The following MTSS1 variants were observed in gnomAD, a reference collection of about 807,000 sequenced individuals.
MTSS1 encodes the protein protein MTSS 1.
In MTSS1, 18 loss-of-function variants were observed where a neutral mutation model predicts 79.0. The observed-to-expected ratio is 0.23, with a 90% CI of 0.16 to 0.34. MTSS1 has a LOEUF of 0.34. Among genes scored for constraint, MTSS1 ranks in the 10% least tolerant of loss-of-function variants. MTSS1 has a pLI of 1.00. For missense variants in MTSS1, 815 were observed against 986.2 expected, an observed-to-expected ratio of 0.83 and a Z score of 2.33; for synonymous variants, 341 against 368.6, an observed-to-expected ratio of 0.93 and a Z score of 0.86.
chr8:124,629,510 A>AAG (rs1815446560), intron 3 of MTSS1, among the ~76,000 whole-genome samples: 1 of 115,146 alleles, frequency 8.7e-6, no homozygotes, highest in African/African-American at 4.7e-5. Context: ...CGTCTCAAAA[A>AAG]AAAAAAAAAA....
chr8:124,704,756 C>G (rs1830164436), intron 1 of MTSS1, among the ~76,000 whole-genome samples: 1 of 152,218 alleles, frequency 6.6e-6, no homozygotes, highest in Non-Finnish European at 1.5e-5. Context: ...ACAGGGAACT[C>G]ATCACCTTCC....
intron 6 of MTSS1, chr8:124,580,729 C>T: frequency 3.0e-6 from 2 of 662,086 alleles, no homozygotes; most frequent in Non-Finnish European, 5.2e-6. Flanking sequence ...ATTAAACCCA[C>T]ATCCACATTC....
intron 3 of MTSS1, among the ~76,000 whole-genome samples, chr8:124,607,432 G>T (rs1474309228): frequency 6.6e-6 from 1 of 152,116 alleles, no homozygotes; most frequent in Non-Finnish European, 1.5e-5. Flanking sequence ...TTCCCCAGAT[G>T]GTTTCTGAAT....
intron 2 of MTSS1, among the ~76,000 whole-genome samples, chr8:124,700,242 A>G (rs12334720): frequency 0.3 from 45,197 of 152,066 alleles, 7,029 homozygotes; most frequent in East Asian, 0.5. Flanking sequence ...ATTAAAAAAT[A>G]TAAGTGGTAG....
At chr8:124,599,419 G>A (rs1464628242) in intron 3 of MTSS1, among the ~76,000 whole-genome samples, 1 of 148,678 alleles carries the variant, frequency 6.7e-6, no homozygotes, top group Non-Finnish European at 1.5e-5. Context: ...GGAGGCAGAG[G>A]TTGCAGTGAG....
chr8:124,670,275 C>T (rs532765776), intron 3 of MTSS1, among the ~76,000 whole-genome samples: 2 of 152,244 alleles, frequency 1.3e-5, no homozygotes, highest in South Asian at 4.1e-4. Flanking sequence ...ACAGAGGGAA[C>T]AGCAAATATT....
intron 3 of MTSS1, among the ~76,000 whole-genome samples, chr8:124,656,800 G>GA (rs1821041725): frequency 1.5e-5 from 2 of 136,114 alleles, no homozygotes; most frequent in Admixed American, 1.5e-4. Flanking sequence ...AAAAAAAAAA[G>GA]AAAAAAGAAA....
In MTSS1 at chr8:124,552,952, A is replaced by G. The variant is rs1190064838; in HGVS notation, c.*40T>C. 2 of 1,579,080 alleles carry G rather than the reference A, an allele frequency of 1.3e-6. No homozygotes were observed. The highest frequency in any genetic ancestry group is 1.7e-6 in the Non-Finnish European group (2 of 1,155,670). ...GATCAAGACAAATTAGGTTTTATTA[A>G]TGAAACAGTTCATTCCCCACCGGCG... On this transcript the variant is annotated 3_prime_UTR_variant, in exon 14 of 14. Coordinates refer to ENST00000518547, the MANE Select transcript of MTSS1 (RefSeq NM_014751.6).
intron 1 of MTSS1, among the ~76,000 whole-genome samples, chr8:124,718,024 C>T (rs1381970487): frequency 2.6e-5 from 4 of 152,166 alleles, no homozygotes; most frequent in African/African-American, 4.8e-5. Context: ...AAGGCAAGGA[C>T]GCCAGGCCGC....
intron 3 of MTSS1, among the ~76,000 whole-genome samples, chr8:124,614,290 A>C (rs1836437137): frequency 6.6e-6 from 1 of 152,072 alleles, no homozygotes; most frequent in Non-Finnish European, 1.5e-5. Flanking sequence ...GCTCAATTGG[A>C]GGCCAGGAGC....
chr8:124,683,846 G>A lies in MTSS1; in HGVS notation c.208+15680C>T, dbSNP rs916344888. 2.0e-5 allele frequency among the ~76,000 whole-genome samples: 3 copies of A among 152,196 alleles called. No homozygotes were observed. The highest frequency in any genetic ancestry group is 7.2e-5 in the African/African-American group (3 of 41,446). The stretch of plus-strand genomic sequence containing the variant: ...AAGAGAAGTTACCAAGTGGATGGTG[G>A]TGAGGCCATAACAAGCCGGTACCCA... On this transcript the variant is annotated intron_variant, in intron 3 of 13. Coordinates refer to ENST00000518547, the MANE Select transcript of MTSS1 (RefSeq NM_014751.6). The surrounding 1 kb of genome is among the most constrained non-coding windows in gnomAD (Gnocchi z 4.5).
intron 5 of MTSS1, among the ~76,000 whole-genome samples, chr8:124,587,584 C>T (rs751049701): frequency 7.9e-5 from 12 of 152,264 alleles, no homozygotes; most frequent in East Asian, 3.9e-4. Context: ...CCGCAGCCTC[C>T]GCCTCCTGAG....
intron 3 of MTSS1, among the ~76,000 whole-genome samples, chr8:124,609,316 C>T (rs60541949): frequency 5.9e-5 from 9 of 152,258 alleles, no homozygotes; most frequent in South Asian, 2.1e-4. Context: ...CTCCTACCAA[C>T]GAGTGAAATG....
chr8:124,624,473 T>C (rs1408309550), intron 3 of MTSS1, among the ~76,000 whole-genome samples: 1 of 151,948 alleles, frequency 6.6e-6, no homozygotes, highest in Non-Finnish European at 1.5e-5. Context: ...AAGAAAGGGA[T>C]GGGTACAGGG....
At chr8:124,616,716 C>T (rs181579465) in intron 3 of MTSS1, among the ~76,000 whole-genome samples, 8 of 152,304 alleles carry the variant, frequency 5.3e-5, no homozygotes, top group Non-Finnish European at 1.2e-4. Context: ...AACTTAGAAC[C>T]TAGACTGACA....
At chr8:124,639,433 A>G (rs1302606557) in intron 3 of MTSS1, among the ~76,000 whole-genome samples, 1 of 152,230 alleles carries the variant, frequency 6.6e-6, no homozygotes, top group African/African-American at 2.4e-5. Context: ...AATATATTCT[A>G]TTAAATACAC....
intron 3 of MTSS1, among the ~76,000 whole-genome samples, chr8:124,670,833 T>C (rs1362019082): frequency 6.6e-6 from 1 of 152,152 alleles, no homozygotes; most frequent in Non-Finnish European, 1.5e-5. Context: ...GAGGTGGTTT[T>C]AGCATTCTCC....
intron 9 of MTSS1, 87 bp downstream of exon 9, chr8:124,565,575 A>C: frequency 9.0e-7 from 1 of 1,111,970 alleles, no homozygotes; most frequent in Non-Finnish European, 1.3e-6. Context: ...AGCCATTCTA[A>C]GAGATAAGGA....
chr8:124,568,111 C>T, intron 7 of MTSS1: 1 of 712,684 alleles, frequency 1.4e-6, no homozygotes, highest in East Asian at 2.8e-5. Context: ...ATGCTGCTGA[C>T]CTGGGGACCT....
Sources: gnomAD v4.1 joint callset for allele counts (sites outside exome capture counted in the v4.1 genomes callset) on GRCh38, gnomAD v4.1.1 for gene constraint, Gnocchi (gnomAD v3.1) non-coding constraint, MANE v1.5 for transcripts, NCBI Gene and HGNC (gene_info 2026-07-23, HGNC 2026-07-21) for gene names.